NEURL3: variants seen among roughly 807,000 people sequenced by gnomAD.
NEURL3 encodes neuralized E3 ubiquitin protein ligase 3.
In NEURL3, 19 loss-of-function variants were observed where a neutral mutation model predicts 17.6. That is an observed-to-expected ratio of 1.08 (90% confidence interval 0.75 to 1.58). The LOEUF (loss-of-function observed/expected upper bound fraction) is 1.58. Among genes scored for constraint, NEURL3 ranks in the 40% most tolerant of loss-of-function variants. The pLI is 0.00. For synonymous variants in NEURL3, 180 were observed against 161.4 expected (o/e 1.11, Z -0.87); for missense variants, 342 against 379.6 (o/e 0.90, Z 0.82).
chr2:96,499,073 C>T, intron 3 of NEURL3: 1 of 854,550 alleles, frequency 1.2e-6, no homozygotes, highest in Non-Finnish European at 1.6e-6. Flanking sequence ...CCACTGCACC[C>T]CACCTATCCT....
chr2:96,500,679 TG>T lies in NEURL3; in HGVS notation c.273del (p.Ser92AlafsTer67). On this transcript the variant is annotated frameshift_variant, in exon 2 of 4. Transcript: ENST00000451794. LOFTEE classifies it high-confidence loss of function. Reference protein sequence around the residue: ...TRLDPACVSVPSLPPFLCPDL... With the variant: ...TRLDPACVSVXSLPPFLCPDL... Reference sequence around the variant, plus strand: ...TCGGGGCACAGGAAGGGCGGCAGGCTGGGCACGGACACGCACGCGGGGTCCA... The same window carrying T: ...TCGGGGCACAGGAAGGGCGGCAGGCTGGCACGGACACGCACGCGGGGTCCA... The T allele has an allele frequency of 6.6e-7, 1 of 1,518,384 alleles. No individual in the cohort carries two copies. The highest frequency in any genetic ancestry group is 8.8e-7 in the Non-Finnish European group (1 of 1,140,302). The allele number at this position is 1,518,384 out of a possible 1,614,324, so 94.1% of individuals were successfully genotyped here. A position where few individuals can be genotyped will look rare whatever the true frequency, so the allele number is the denominator to read the frequency against.
At chr2:96,499,483 G>A in intron 2 of NEURL3, 34 bp from the exon 3 acceptor site, 1 of 1,587,288 alleles carries the variant, frequency 6.3e-7, no homozygotes, top group Non-Finnish European at 8.6e-7. Flanking sequence ...GTCCAGGACG[G>A]CAAGCCCAGG....
chr2:96,500,977 C>G, intron 1 of NEURL3, 53 bp from the exon 2 acceptor site: 1 of 1,454,028 alleles, frequency 6.9e-7, no homozygotes, highest in East Asian at 2.6e-5. Flanking sequence ...GACCCACCAG[C>G]TCCCCAGAGA....
rs1444571616 is a variant in NEURL3 at position 96,500,636 on chromosome 2, G to A, written c.317C>T (p.Pro106Leu). The A allele has an allele frequency of 1.3e-6, 2 of 1,519,038 alleles. No individual in the cohort carries two copies. Among genetic ancestry groups the A allele is most frequent in the Non-Finnish European group, 1.8e-6 (2 of 1,140,054 alleles). 94.1% of individuals were successfully genotyped at this position (1,519,038 alleles called of 1,614,324 possible). A position where few individuals can be genotyped will look rare whatever the true frequency, so the allele number is the denominator to read the frequency against. ...CTCAGGCAGCACGGCCGCCCACGTCGGGCTCTGCTCCTCCAGGTCGGGGCA... is the reference window on the plus strand; with the variant it reads ...CTCAGGCAGCACGGCCGCCCACGTCAGGCTCTGCTCCTCCAGGTCGGGGCA... ...FLCPDLEEQS[P>L]TWAAVLPEGC... is the part of the protein sequence containing the mutation. Residue 106 changes from proline to leucine, a missense_variant, in exon 2 of 4, where the codon CCG becomes CTG. Transcript: ENST00000451794.
rs1409996037 is a variant in NEURL3 at position 96,499,464 on chromosome 2, G to A, written c.515-15C>T. 6.3e-7 allele frequency: 1 copy of A among 1,599,192 alleles called. No individual in the cohort carries two copies. Among genetic ancestry groups the A allele is most frequent in the Admixed American group, 1.7e-5 (1 of 60,018 alleles). ...GGCTGTGGGATCTGAGGCAGAGAGA[G>A]AAACTCAGGTCCAGGACGGCAAGCC... On this transcript the variant is annotated splice_polypyrimidine_tract_variant and intron_variant, in intron 2 of 3. Coordinates refer to ENST00000451794, the MANE Select transcript of NEURL3 (RefSeq NM_001285485.2).
chr2:96,499,500 C>G, intron 2 of NEURL3, 51 bp from the exon 3 acceptor site: 1 of 1,520,870 alleles, frequency 6.6e-7, no homozygotes, highest in Non-Finnish European at 9.0e-7. Context: ...CAGGTGCCCC[C>G]CCATCCCCGC....
chr2:96,506,120 C>T (rs1444052574), upstream of NEURL3, among the ~76,000 whole-genome samples: 1 of 152,220 alleles, frequency 6.6e-6, no homozygotes, highest in Non-Finnish European at 1.5e-5. Context: ...GCTCCTCACT[C>T]ACATTGCAAC....
intron 1 of NEURL3, 57 bp from the exon 2 acceptor site, chr2:96,500,981 C>G: frequency 6.9e-7 from 1 of 1,442,324 alleles, no homozygotes; most frequent in East Asian, 2.6e-5. Flanking sequence ...CACCAGCTCC[C>G]CAGAGAGCCC....
chr2:96,503,516 C>T (rs2104613930), intron 1 of NEURL3, among the ~76,000 whole-genome samples: 1 of 152,306 alleles, frequency 6.6e-6, no homozygotes, highest in Middle Eastern at 3.4e-3. Context: ...AGGGCACAGC[C>T]TCTCATCTAT....
upstream of NEURL3, among the ~76,000 whole-genome samples, chr2:96,506,655 C>T (rs565987689): frequency 2.0e-5 from 3 of 152,398 alleles, no homozygotes; most frequent in Admixed American, 1.3e-4. Flanking sequence ...GTGCCAGGTA[C>T]GTCTCCACCT....
Position 96,500,790 on chromosome 2 carries a change from C to A in NEURL3, c.163G>T (p.Val55Leu), listed in dbSNP as rs2065497921. Residue 55 changes from valine to leucine, a missense_variant, in exon 2 of 4, where the codon GTG (valine) becomes TTG (leucine). Coordinates refer to ENST00000451794, the MANE Select transcript of NEURL3 (RefSeq NM_001285485.2). ...AGCGCCACACGCTCGCCCAGGCGCA[C>A]CGGCCGCTGGCTGAACACGATGCCG... ...HDGIVFSQRP[V>L]RLGERVALRV... 4 of 1,526,532 alleles carry A rather than the reference C, an allele frequency of 2.6e-6. No homozygotes were observed. The highest frequency in any genetic ancestry group is 3.5e-6 in the Non-Finnish European group (4 of 1,142,448). 94.6% of individuals were successfully genotyped at this position (1,526,532 alleles called of 1,614,324 possible).
In NEURL3 at chr2:96,498,897, C is replaced by A. The variant is rs963814989; in HGVS notation, c.587-451G>T. 6.6e-6 allele frequency among the ~76,000 whole-genome samples: 1 copy of A among 152,184 alleles called. No individual in the cohort carries two copies. Among genetic ancestry groups the A allele is most frequent in the Non-Finnish European group, 1.5e-5 (1 of 68,050 alleles). On this transcript the variant is annotated intron_variant, in intron 3 of 3. Transcript: ENST00000451794. This position sits in a 1 kb window ranked among gnomAD's most constrained non-coding sequence, Gnocchi z 4.4. ...GGCTCAAGCCATCCTTCCACCTCAG[C>A]CTCCCGAGTAGCTGGGGCCACAGAC...
upstream of NEURL3, among the ~76,000 whole-genome samples, chr2:96,505,753 C>A (rs949839020): frequency 6.6e-6 from 1 of 152,230 alleles, no homozygotes; most frequent in Admixed American, 6.5e-5. Flanking sequence ...AGATTCACTG[C>A]AGCAGACCCT....
chr2:96,499,440 G>C lies in NEURL3; in HGVS notation c.524C>G (p.Ala175Gly). ...TGGCATGGGTGTTGGGAGCCGGCTG[G>C]CTGTGGGATCTGAGGCAGAGAGAGA... ...TKAIELLDPT[A>G]SRLPTPMPWD... Residue 175 changes from alanine to glycine, a missense_variant, in exon 3 of 4, where the codon GCC (alanine) becomes GGC (glycine). By Grantham distance (60) the Ala-to-Gly change is moderately conservative. Coordinates refer to ENST00000451794, the MANE Select transcript of NEURL3 (RefSeq NM_001285485.2). 6.3e-7 allele frequency: 1 copy of C among 1,599,500 alleles called. No individual in the cohort carries two copies. Among genetic ancestry groups the C allele is most frequent in the Non-Finnish European group, 8.5e-7 (1 of 1,179,766 alleles).
Position 96,498,876 on chromosome 2 carries a change from C to A in NEURL3, c.587-430G>T, listed in dbSNP as rs2065470276. Among the ~76,000 whole-genome samples the A allele has an allele frequency of 2.0e-5, 3 of 152,282 alleles. No individual in the cohort carries two copies. The South Asian group carries it at 6.2e-4, about 32-fold the overall frequency. On this transcript the variant is annotated intron_variant, in intron 3 of 3. Coordinates refer to ENST00000451794, the MANE Select transcript of NEURL3 (RefSeq NM_001285485.2). The surrounding 1 kb of genome is among the most constrained non-coding windows in gnomAD (Gnocchi z 4.4). ...CACTGCAGCCTCAGCCAGCTGGGCT[C>A]AAGCCATCCTTCCACCTCAGCCTCC...
chr2:96,499,730 G>T (rs1047171472), intron 2 of NEURL3, among the ~76,000 whole-genome samples: 1 of 151,956 alleles, frequency 6.6e-6, no homozygotes, highest in Non-Finnish European at 1.5e-5. Flanking sequence ...GGAGACCCTC[G>T]GCCGAGCCAC....
chr2:96,498,117 G>A lies in NEURL3; in HGVS notation c.*127C>T, dbSNP rs1573153732. 16 of 977,020 alleles carry A rather than the reference G, an allele frequency of 1.6e-5. No individual in the cohort carries two copies. The highest frequency in any genetic ancestry group is 5.2e-5 in the South Asian group (3 of 57,662). The allele number at this position is 977,020 out of a possible 1,614,324, so 60.5% of individuals were successfully genotyped here. A position where few individuals can be genotyped will look rare whatever the true frequency, so the allele number is the denominator to read the frequency against. On this transcript the variant is annotated 3_prime_UTR_variant, in exon 4 of 4. Coordinates refer to ENST00000451794, the MANE Select transcript of NEURL3 (RefSeq NM_001285485.2). This position sits in a 1 kb window ranked among gnomAD's most constrained non-coding sequence, Gnocchi z 4.4. ...ACCTCCCTGCCTTCCTCTCTCTGCCGCACCTCTTGCTAATCAGCCTTTCTG... is the reference window on the plus strand; with the variant it reads ...ACCTCCCTGCCTTCCTCTCTCTGCCACACCTCTTGCTAATCAGCCTTTCTG...
rs1334396153 is a variant in NEURL3, at chr2:96,500,911, G to A, written c.42C>T (p.Pro14=). The change falls in exon 2 of 4, where the codon CCC becomes CCT. Residue 14 remains proline, a synonymous_variant. Transcript: ENST00000451794. ...QLCFEANAKA[P]REALRFHAEA... Reference sequence around the variant, plus strand: ...CGGCATGGAAGCGAAGTGCCTCTCGGGGCGCCTTGGCGTCTGTGGGTTGAG... The same window carrying A: ...CGGCATGGAAGCGAAGTGCCTCTCGAGGCGCCTTGGCGTCTGTGGGTTGAG... The A allele has an allele frequency of 1.9e-6, 3 of 1,565,130 alleles. No individual in the cohort carries two copies. Among genetic ancestry groups the A allele is most frequent in the Non-Finnish European group, 2.6e-6 (3 of 1,165,122 alleles).
upstream of NEURL3, among the ~76,000 whole-genome samples, chr2:96,507,193 G>A (rs1049883778): frequency 3.9e-5 from 6 of 152,062 alleles, no homozygotes; most frequent in South Asian, 2.1e-4. Context: ...GACTCTCCCC[G>A]GTTTATTACC....
Sources: gnomAD v4.1 joint callset for allele counts (sites outside exome capture counted in the v4.1 genomes callset) on GRCh38, gnomAD v4.1.1 for gene constraint, Gnocchi (gnomAD v3.1) non-coding constraint, MANE v1.5 for transcripts, NCBI Gene and HGNC (gene_info 2026-07-23, HGNC 2026-07-21) for gene names.